H2BC12: variants seen among roughly 807,000 people sequenced by gnomAD.
H2BC12 encodes the protein H2B clustered histone 12.
In H2BC12, 6 loss-of-function variants were observed where a neutral mutation model predicts 6.3. That is an observed-to-expected ratio of 0.95 (90% CI 0.52 to 1.87). The LOEUF (loss-of-function observed/expected upper bound fraction) is 1.87. Ranked by LOEUF, H2BC12 falls within the 40% of genes most tolerant of loss-of-function variation. H2BC12 has a pLI of 0.01. For synonymous variants in H2BC12, 132 were observed against 78.5 expected (o/e 1.68, Z -3.60); for missense variants, 119 against 178.4 (o/e 0.67, Z 1.90).
the H2BC12 span, chr6:27,139,585 C>T: frequency 1.2e-6 from 2 of 1,613,594 alleles, no homozygotes; most frequent in Admixed American, 1.7e-5. Flanking sequence ...CGCGCTCAAG[C>T]GCCAGGGCCG....
Position 27,146,849 on chromosome 6 carries a change from A to G in H2BC12, c.-51T>C. ...ACGAGCAGCAGATCGAGAAAACGGG[A>G]AGTAATGGGAGCAAGGTACCAGGAG... On this transcript the variant is annotated 5_prime_UTR_variant, in exon 1 of 1. Coordinates refer to ENST00000356950, the MANE Select transcript of H2BC12 (RefSeq NM_001312653.2). 1.3e-6 allele frequency: 2 copies of G among 1,597,434 alleles called. No individual in the cohort carries two copies. The highest frequency in any genetic ancestry group is 1.1e-5 in the South Asian group (1 of 88,654).
Position 27,146,383 on chromosome 6 carries a change from TTG to T in H2BC12, c.*33_*34del. 1 of 1,613,810 alleles carries T rather than the reference TTG, an allele frequency of 6.2e-7. No individual in the cohort carries two copies. The highest frequency in any genetic ancestry group is 8.5e-7 in the Non-Finnish European group (1 of 1,179,906). On this transcript the variant is annotated 3_prime_UTR_variant, in exon 1 of 1. Transcript: ENST00000356950. ...ATTTAAGTGGCTCTTAAAAGAGCCT[TTG>T]GGGTTGGGCTTTAAGACGCTTACTT...
At chr6:27,146,138 C>A (rs1298728220), downstream of H2BC12, among the ~76,000 whole-genome samples, 2 of 152,176 alleles carry the variant, frequency 1.3e-5, no homozygotes, top group African/African-American at 4.8e-5. Flanking sequence ...AGCCAGGAAG[C>A]ACTTTCTGTT....
downstream of H2BC12, among the ~76,000 whole-genome samples, chr6:27,144,699 GTAA>G (rs745415638): frequency 6.6e-6 from 1 of 152,120 alleles, no homozygotes; most frequent in Non-Finnish European, 1.5e-5. Context: ...AAGTCTAAAG[GTAA>G]TAACAGCAGA....
At chr6:27,144,228 G>A (rs889191727), downstream of H2BC12, among the ~76,000 whole-genome samples, 10 of 152,088 alleles carry the variant, frequency 6.6e-5, no homozygotes, top group African/African-American at 1.9e-4. Context: ...TTAGGAGGCC[G>A]AGGCAGGTGG....
chr6:27,146,504 C>T lies in H2BC12; in HGVS notation c.295G>A (p.Val99Met). ...AACTCCCCGGGCAGCAGCAGGCGCA[C>T]GGCCGTCTGGATCTCCCTGGAGGTG... ...TITSREIQTA[V>M]RLLLPGELAK... Residue 99 changes from valine to methionine, a missense_variant, in exon 1 of 1, where the codon GTG (valine) becomes ATG (methionine). Physicochemically the swap from Val to Met is conservative, Grantham distance 21 (BLOSUM62 1). This residue lies in a region of H2BC12 where 69 missense variants were observed against 141.0 expected (regional missense o/e 0.49). Transcript: ENST00000356950. The T allele has an allele frequency of 1.9e-6, 3 of 1,614,240 alleles. No homozygotes were observed. Among genetic ancestry groups the T allele is most frequent in the East Asian group, 4.5e-5 (2 of 44,880 alleles).
rs749033276 is a variant in H2BC12, at chr6:27,146,829, C to G, written c.-31G>C. On this transcript the variant is annotated 5_prime_UTR_variant, in exon 1 of 1. Coordinates refer to ENST00000356950, the MANE Select transcript of H2BC12 (RefSeq NM_001312653.2). ...AGGCGAACTACGAGCCTGAGACGAG[C>G]AGCAGATCGAGAAAACGGGAAGTAA... is the stretch of plus-strand genomic sequence containing the variant. The G allele has an allele frequency of 1.4e-5, 23 of 1,605,734 alleles. No individual in the cohort carries two copies. The highest frequency in any genetic ancestry group is 2.2e-5 in the East Asian group (1 of 44,848).
At chr6:27,139,807 G>A in the H2BC12 span, 1 of 1,007,196 alleles carries the variant, frequency 9.9e-7, no homozygotes, top group Non-Finnish European at 1.4e-6. Context: ...GTGACCTTGG[G>A]CCGAGATTTT....
the H2BC12 span, chr6:27,139,174 T>A: frequency 4.2e-6 from 4 of 944,138 alleles, no homozygotes; most frequent in Non-Finnish European, 6.2e-6. Flanking sequence ...CCTGTTTCCC[T>A]TTTAGGTCCC....
chr6:27,138,806 T>G, the H2BC12 span: 1 of 152,144 alleles, frequency 6.6e-6, no homozygotes, highest in African/African-American at 2.4e-5. Context: ...GGGATAATTC[T>G]CCACCCCAAA....
chr6:27,139,196 C>G, the H2BC12 span: 1 of 1,203,664 alleles, frequency 8.3e-7, no homozygotes, highest in Non-Finnish European at 1.1e-6. Flanking sequence ...TCCCCCAATG[C>G]AGAGGGACTT....
the H2BC12 span, chr6:27,139,429 C>T: frequency 6.2e-7 from 1 of 1,614,234 alleles, no homozygotes; most frequent in Admixed American, 1.7e-5. Context: ...CCTTGCTCGC[C>T]GCGGCGGCGT....
chr6:27,139,720 T>A, the H2BC12 span: 1 of 1,462,908 alleles, frequency 6.8e-7, no homozygotes. Context: ...AGTCTCTTAA[T>A]AGGGCCATTG....
At chr6:27,144,128 AAC>A (rs1391743256), downstream of H2BC12, among the ~76,000 whole-genome samples, 3 of 152,286 alleles carry the variant, frequency 2.0e-5, no homozygotes, top group East Asian at 1.9e-4. Flanking sequence ...TTTGTAAAAT[AAC>A]AGTGATCTGA....
chr6:27,146,169 C>T (rs1227529327), downstream of H2BC12, among the ~76,000 whole-genome samples: 3 of 152,222 alleles, frequency 2.0e-5, no homozygotes, highest in Non-Finnish European at 1.5e-5. Flanking sequence ...TCCTGCACAT[C>T]CCTAATTTTT....
At chr6:27,142,505 C>A (rs1255844574), downstream of H2BC12, among the ~76,000 whole-genome samples, 1 of 152,110 alleles carries the variant, frequency 6.6e-6, no homozygotes, top group East Asian at 1.9e-4. Flanking sequence ...CTCAGGTCAT[C>A]CGCCTGCCTC....
chr6:27,145,337 CAA>C (rs1554184473), downstream of H2BC12, among the ~76,000 whole-genome samples: 255 of 146,690 alleles, frequency 1.7e-3, no homozygotes, highest in Non-Finnish European at 3.3e-3. Flanking sequence ...CACACACACA[CAA>C]AATTCCCCTG....
At chr6:27,144,910 C>T (rs529531455), downstream of H2BC12, among the ~76,000 whole-genome samples, 3 of 152,258 alleles carry the variant, frequency 2.0e-5, no homozygotes, top group South Asian at 4.1e-4. Flanking sequence ...AATTCTGCCT[C>T]AGCCTCCCGA....
chr6:27,142,626 T>TCC (rs759580218), downstream of H2BC12, among the ~76,000 whole-genome samples: 1 of 135,042 alleles, frequency 7.4e-6, no homozygotes, highest in Non-Finnish European at 1.5e-5. Flanking sequence ...CGTATTACAT[T>TCC]CCCCCCCTCC....
Sources: gnomAD v4.1 joint callset for allele counts (sites outside exome capture counted in the v4.1 genomes callset) on GRCh38, gnomAD v4.1.1 for gene constraint, gnomAD v4.1.1 regional missense constraint, MANE v1.5 for transcripts, NCBI Gene and HGNC (gene_info 2026-07-23, HGNC 2026-07-21) for gene names.